PLA2G4D: variants seen among roughly 807,000 people sequenced by gnomAD.
PLA2G4D encodes the protein cytosolic phospholipase A2 delta.
In PLA2G4D, 80 loss-of-function variants were observed where a neutral mutation model predicts 94.4. That is an observed-to-expected ratio of 0.85 (90% CI 0.71 to 1.02). The LOEUF (loss-of-function observed/expected upper bound fraction) is 1.02. Ranked by LOEUF, PLA2G4D falls within the 50% of genes least tolerant of loss-of-function variation. The pLI is 0.00. For synonymous variants in PLA2G4D, 438 were observed against 440.9 expected, an observed-to-expected ratio of 0.99 and a Z score of 0.08; for missense variants, 1,050 against 1,034.7, an observed-to-expected ratio of 1.01 and a Z score of -0.20.
chr15:42,076,951 A>G (rs1222045310), intron 13 of PLA2G4D, among the ~76,000 whole-genome samples: 1 of 152,234 alleles, frequency 6.6e-6, no homozygotes, highest in East Asian at 1.9e-4. Context: ...TTAAGGATAT[A>G]TATGTGAAAA....
At chr15:42,075,675 C>T (rs1423161710) in intron 13 of PLA2G4D, among the ~76,000 whole-genome samples, 4 of 152,042 alleles carry the variant, frequency 2.6e-5, no homozygotes, top group Admixed American at 2.6e-4. Flanking sequence ...TCACTCAAGG[C>T]CAGGAGTTCA....
intron 13 of PLA2G4D, among the ~76,000 whole-genome samples, chr15:42,074,635 T>C (rs1787834482): frequency 6.6e-6 from 1 of 152,208 alleles, no homozygotes; most frequent in Non-Finnish European, 1.5e-5. Context: ...AGTTTCAGGG[T>C]ATGATATTTA....
At chr15:42,085,069 T>C in intron 6 of PLA2G4D, 27 bp downstream of exon 6, 1 of 1,613,618 alleles carries the variant, frequency 6.2e-7, no homozygotes, top group South Asian at 1.1e-5. Flanking sequence ...CTGGGGCCCC[T>C]CCCCTAAGCC....
At position 42,086,194 on chromosome 15, in the gene PLA2G4D, T is replaced by TGGGGGGGGGGGGGGGGG; in HGVS notation, c.387+18_387+19insCCCCCCCCCCCCCCCCC. Reference sequence around the variant, plus strand: ...GGAAGAAGTGGGGCCCACGGGGACTTCCCCACCCACCCACCCACCTGGGGA... The same window carrying TGGGGGGGGGGGGGGGGG: ...GGAAGAAGTGGGGCCCACGGGGACTTGGGGGGGGGGGGGGGGGCCCCACCCACCCACCCACCTGGGGA... On this transcript the variant is annotated intron_variant, in intron 4 of 19. Coordinates refer to ENST00000290472, the MANE Select transcript of PLA2G4D (RefSeq NM_178034.4). The TGGGGGGGGGGGGGGGGG allele has an allele frequency of 1.9e-4, 267 of 1,370,114 alleles. No homozygotes were observed. Among genetic ancestry groups the TGGGGGGGGGGGGGGGGG allele is most frequent in the Middle Eastern group, 2.8e-4 (1 of 3,592 alleles). 84.9% of individuals were successfully genotyped at this position (1,370,114 alleles called of 1,614,324 possible). A position where few individuals can be genotyped will look rare whatever the true frequency, so the allele number is the denominator to read the frequency against.
At chr15:42,076,340 C>A (rs1889926256) in intron 13 of PLA2G4D, among the ~76,000 whole-genome samples, 1 of 151,952 alleles carries the variant, frequency 6.6e-6, no homozygotes, top group South Asian at 2.1e-4. Context: ...AGAAATAAAT[C>A]TTTAAAAATT....
chr15:42,070,277 T>C, intron 18 of PLA2G4D, 182 bp from the exon 19 acceptor site: 1 of 592,844 alleles, frequency 1.7e-6, no homozygotes, highest in Non-Finnish European at 2.8e-6. Flanking sequence ...ACTCTGGTGG[T>C]CTGCAATGTT....
Position 42,067,827 on chromosome 15 carries a change from C to T in PLA2G4D, c.*888G>A, listed in dbSNP as rs768458948. ...ACTTTCTCAACCTGATAAGGATGTCCAAGAAAAACCCACAGCTAAAATCAC... is the reference window on the plus strand; with the variant it reads ...ACTTTCTCAACCTGATAAGGATGTCTAAGAAAAACCCACAGCTAAAATCAC... On this transcript the variant is annotated 3_prime_UTR_variant, in exon 20 of 20. Coordinates refer to ENST00000290472, the MANE Select transcript of PLA2G4D (RefSeq NM_178034.4). 3.9e-5 allele frequency: 6 copies of T among 152,134 alleles called. No individual in the cohort carries two copies. Among genetic ancestry groups the T allele is most frequent in the Non-Finnish European group, 7.3e-5 (5 of 68,028 alleles). 9.4% of individuals were successfully genotyped at this position (152,134 alleles called of 1,614,324 possible).
chr15:42,072,499 CA>C, intron 13 of PLA2G4D, 107 bp from the exon 14 acceptor site: 1 of 832,172 alleles, frequency 1.2e-6, no homozygotes, highest in Non-Finnish European at 2.0e-6. Context: ...GGTGAGGAGG[CA>C]GCTCCTCCCG....
At chr15:42,071,654 A>ACCCCCCCCCCCC in intron 15 of PLA2G4D, 103 bp from the exon 16 acceptor site, 1 of 1,393,888 alleles carries the variant, frequency 7.2e-7, no homozygotes, top group Non-Finnish European at 1.0e-6. Flanking sequence ...CCTACAATGC[A>ACCCCCCCCCCCC]TCCCCCCCGC....
At chr15:42,081,394 G>A in intron 11 of PLA2G4D, 85 bp downstream of exon 11, 4 of 1,542,738 alleles carry the variant, frequency 2.6e-6, no homozygotes, top group Non-Finnish European at 3.5e-6. Flanking sequence ...CCACTGACTG[G>A]AGTTTCTGGA....
rs951933433 is a variant in PLA2G4D, at chr15:42,082,308, C to T, written c.754G>A (p.Glu252Lys). ...GGAGCAGGAACATCCATAGTCACCT[C>T]CTTCCCAATGGTCAAGGGCCTCAGG... ...VPLRPLTIGKEVTMDVPAPNA... is the reference protein window; with the variant it reads ...VPLRPLTIGKKVTMDVPAPNA... Residue 252 changes from glutamate to lysine, a missense_variant, in exon 9 of 20, where the codon GAG becomes AAG. Glu to Lys is a moderately conservative substitution (Grantham distance 56). Transcript: ENST00000290472. 7 of 1,614,008 alleles carry T rather than the reference C, an allele frequency of 4.3e-6. No homozygotes were observed. In the African/African-American group the frequency reaches 8.0e-5, roughly 18 times the overall value.
rs1387483772 is a variant in PLA2G4D, at chr15:42,084,996, C to A, written c.471+100G>T. The stretch of plus-strand genomic sequence containing the variant: ...GGGGTGGTTTTACCACGAAGCCCTG[C>A]CCCTTCCTTGTCCCTGCTGGTCCAC... On this transcript the variant is annotated intron_variant, in intron 6 of 19. Coordinates refer to ENST00000290472, the MANE Select transcript of PLA2G4D (RefSeq NM_178034.4). This position sits in a 1 kb window ranked among gnomAD's most constrained non-coding sequence, Gnocchi z 4.8. 7.3e-7 allele frequency: 1 copy of A among 1,376,024 alleles called. No individual in the cohort carries two copies. Among genetic ancestry groups the A allele is most frequent in the Non-Finnish European group, 1.0e-6 (1 of 973,102 alleles). 85.2% of individuals were successfully genotyped at this position (1,376,024 alleles called of 1,614,324 possible). A position where few individuals can be genotyped will look rare whatever the true frequency, so the allele number is the denominator to read the frequency against.
At position 42,084,751 on chromosome 15, in the gene PLA2G4D, GCCTA is replaced by G. The variant is rs1421623160; in HGVS notation, c.471+341_471+344del. On this transcript the variant is annotated intron_variant, in intron 6 of 19. Coordinates refer to ENST00000290472, the MANE Select transcript of PLA2G4D (RefSeq NM_178034.4). The surrounding 1 kb of genome is among the most constrained non-coding windows in gnomAD (Gnocchi z 4.8). The stretch of plus-strand genomic sequence containing the variant: ...CGTGAACAACCGGAAGGTGGGCCTG[GCCTA>G]CCTGATTTCTTCACCGCTTCCCAGG... 3.3e-5 allele frequency among the ~76,000 whole-genome samples: 5 copies of G among 152,132 alleles called. No individual in the cohort carries two copies. The highest frequency in any genetic ancestry group is 7.4e-5 in the Non-Finnish European group (5 of 68,020).
chr15:42,093,105 T>TCC (rs764937356), intron 1 of PLA2G4D, among the ~76,000 whole-genome samples: 1 of 152,058 alleles, frequency 6.6e-6, no homozygotes, highest in Non-Finnish European at 1.5e-5. Context: ...CTGGCCCAGG[T>TCC]CCCGCTCTGG....
At chr15:42,087,551 C>T in intron 2 of PLA2G4D, 77 bp downstream of exon 2, 3 of 1,605,856 alleles carry the variant, frequency 1.9e-6, no homozygotes, top group Non-Finnish European at 2.6e-6. Context: ...AGCCCAGCCC[C>T]AGGGCACTCG....
At position 42,068,686 on chromosome 15, in the gene PLA2G4D, C is replaced by T. The variant is rs202006301; in HGVS notation, c.*29G>A. 21 of 1,573,870 alleles carry T rather than the reference C, an allele frequency of 1.3e-5. No homozygotes were observed. The East Asian group carries it at 4.2e-4, about 32-fold the overall frequency. ...ACAGATCAGGTTATGCCCGCAGGCC[C>T]TGGAGGGTCCTGCAGCCTCTGAGCA... On this transcript the variant is annotated 3_prime_UTR_variant, in exon 20 of 20. Transcript: ENST00000290472.
chr15:42,081,645 G>T (rs1176871131), intron 10 of PLA2G4D, 31 bp from the exon 11 acceptor site: 1 of 1,612,478 alleles, frequency 6.2e-7, no homozygotes. Context: ...GGGGTCAGGG[G>T]ACACCTGCAT....
chr15:42,073,769 C>T (rs1472874672), intron 13 of PLA2G4D, among the ~76,000 whole-genome samples: 2 of 152,198 alleles, frequency 1.3e-5, no homozygotes, highest in Admixed American at 1.3e-4. Flanking sequence ...TCCTGATGCC[C>T]AGCCAGGTGT....
intron 9 of PLA2G4D, 25 bp from the exon 10 acceptor site, chr15:42,081,859 C>A: frequency 6.2e-7 from 1 of 1,614,054 alleles, no homozygotes; most frequent in South Asian, 1.1e-5. Context: ...AGAGACTCTG[C>A]TCAGACCCTC....
Sources: allele counts gnomAD v4.1 joint callset (sites outside exome capture counted in the v4.1 genomes callset), GRCh38; gene constraint gnomAD v4.1.1; non-coding constraint Gnocchi (gnomAD v3.1); transcripts MANE v1.5; gene names NCBI Gene and HGNC (gene_info 2026-07-23, HGNC 2026-07-21).